SLC24A3: variants seen among roughly 807,000 people sequenced by gnomAD.
SLC24A3 encodes solute carrier family 24 member 3.
In SLC24A3, 28 loss-of-function variants were observed where a neutral mutation model predicts 75.8. That is an observed-to-expected ratio of 0.37 (90% CI 0.27 to 0.51). The LOEUF (loss-of-function observed/expected upper bound fraction) is 0.51. SLC24A3 is among the 20% of genes least tolerant of loss of function. The pLI is 0.94. For missense variants in SLC24A3, 663 were observed against 847.8 expected, an observed-to-expected ratio of 0.78 and a Z score of 2.71; for synonymous variants, 372 against 334.1, an observed-to-expected ratio of 1.11 and a Z score of -1.24.
chr20:19,461,634 G>A (rs547065828), intron 2 of SLC24A3, among the ~76,000 whole-genome samples: 16 of 149,466 alleles, frequency 1.1e-4, no homozygotes, highest in African/African-American at 3.0e-4. Context: ...CTGGGCTCAA[G>A]TGATTCTTCC....
intron 2 of SLC24A3, among the ~76,000 whole-genome samples, chr20:19,419,815 C>G (rs1464556665): frequency 1.4e-5 from 2 of 146,132 alleles, no homozygotes; most frequent in Non-Finnish European, 3.0e-5. Flanking sequence ...ATGTCCTCGA[C>G]AGCCAAGTTT....
chr20:19,346,375 A>G (rs1985428885), intron 2 of SLC24A3, among the ~76,000 whole-genome samples: 2 of 138,454 alleles, frequency 1.4e-5, no homozygotes, highest in East Asian at 2.1e-4. Flanking sequence ...TATGTGGTGT[A>G]TATATATGGT....
intron 1 of SLC24A3, among the ~76,000 whole-genome samples, chr20:19,215,960 C>T (rs535306036): frequency 3.9e-5 from 6 of 152,202 alleles, no homozygotes; most frequent in Admixed American, 6.5e-5. Context: ...ATTCTAACAA[C>T]AAAAGCAATA....
chr20:19,659,458 G>A (rs1316596516), intron 7 of SLC24A3, among the ~76,000 whole-genome samples: 2 of 152,192 alleles, frequency 1.3e-5, no homozygotes, highest in African/African-American at 4.8e-5. Context: ...AGTCACACGT[G>A]GCTACTGACA....
intron 6 of SLC24A3, among the ~76,000 whole-genome samples, chr20:19,598,229 C>T (rs1204070121): frequency 1.3e-5 from 2 of 152,146 alleles, no homozygotes; most frequent in African/African-American, 4.8e-5. Flanking sequence ...CCTGCTGCAG[C>T]TGCTCTTTCC....
At chr20:19,555,081 C>G (rs1260603482) in intron 3 of SLC24A3, among the ~76,000 whole-genome samples, 1 of 152,202 alleles carries the variant, frequency 6.6e-6, no homozygotes, top group African/African-American at 2.4e-5. Flanking sequence ...AAAGCCAACT[C>G]TGAGTTAGCC....
At chr20:19,640,595 C>T (rs111599941) in intron 6 of SLC24A3, among the ~76,000 whole-genome samples, 92 of 152,188 alleles carry the variant, frequency 6.0e-4, no homozygotes, top group African/African-American at 2.1e-3. Flanking sequence ...ACTGAAAATA[C>T]AAAAATTAGC....
At chr20:19,658,964 A>C (rs530519234) in intron 7 of SLC24A3, among the ~76,000 whole-genome samples, 3 of 152,228 alleles carry the variant, frequency 2.0e-5, no homozygotes, top group Admixed American at 2.0e-4. Flanking sequence ...AATTTACATA[A>C]TGAGGTAATT....
chr20:19,506,319 T>A (rs2122547838), intron 2 of SLC24A3, among the ~76,000 whole-genome samples: 2 of 152,356 alleles, frequency 1.3e-5, no homozygotes, highest in South Asian at 4.1e-4. Flanking sequence ...TCCCATGACT[T>A]GTGGTTGCAT....
intron 1 of SLC24A3, among the ~76,000 whole-genome samples, chr20:19,272,358 G>A (rs1394020412): frequency 6.6e-6 from 1 of 152,210 alleles, no homozygotes; most frequent in African/African-American, 2.4e-5. Flanking sequence ...CACTGTGCCG[G>A]GAACTTTGAA....
intron 12 of SLC24A3, among the ~76,000 whole-genome samples, chr20:19,687,636 G>C (rs2032693482): frequency 6.6e-6 from 1 of 152,202 alleles, no homozygotes; most frequent in African/African-American, 2.4e-5. Context: ...TTAGCATCTT[G>C]GGAGCCCAGA....
At chr20:19,363,732 A>G (rs1985835066) in intron 2 of SLC24A3, among the ~76,000 whole-genome samples, 1 of 152,238 alleles carries the variant, frequency 6.6e-6, no homozygotes, top group African/African-American at 2.4e-5. Context: ...TTGGAGCCTT[A>G]ACAATCGCTT....
chr20:19,599,376 TC>T (rs1284518473), intron 6 of SLC24A3, among the ~76,000 whole-genome samples: 3 of 151,308 alleles, frequency 2.0e-5, no homozygotes, highest in African/African-American at 7.3e-5. Context: ...TATGATGTGG[TC>T]CCTCCCGCGC....
chr20:19,375,820 A>G (rs1397018915), intron 2 of SLC24A3, among the ~76,000 whole-genome samples: 4 of 152,214 alleles, frequency 2.6e-5, no homozygotes, highest in Non-Finnish European at 5.9e-5. Flanking sequence ...CTTGAAAATC[A>G]GAGAAGCTGA....
intron 2 of SLC24A3, among the ~76,000 whole-genome samples, chr20:19,500,849 A>T (rs954322155): frequency 6.6e-6 from 1 of 152,224 alleles, no homozygotes; most frequent in Non-Finnish European, 1.5e-5. Context: ...ATCTTTGATC[A>T]GCCTTTGACT....
At chr20:19,360,713 T>C (rs181532199) in intron 2 of SLC24A3, among the ~76,000 whole-genome samples, 37 of 152,382 alleles carry the variant, frequency 2.4e-4, no homozygotes, top group Admixed American at 1.9e-3. Flanking sequence ...ATCTCAGCAA[T>C]GTCTAGACAT....
rs1467606790 is a variant in SLC24A3 at position 19,721,829 on chromosome 20, C to G, written c.*689C>G. 1 of 152,662 alleles carries G rather than the reference C, an allele frequency of 6.6e-6. No individual in the cohort carries two copies. Among genetic ancestry groups the G allele is most frequent in the Non-Finnish European group, 1.5e-5 (1 of 68,130 alleles). 9.5% of individuals were successfully genotyped at this position (152,662 alleles called of 1,614,324 possible). A position where few individuals can be genotyped will look rare whatever the true frequency, so the allele number is the denominator to read the frequency against. ...TAGAGGAGCCACTGGGCAAGGCCAC[C>G]AAGAACAAATGCATGACATTTTATA... On this transcript the variant is annotated 3_prime_UTR_variant, in exon 17 of 17. Transcript: ENST00000328041.
chr20:19,541,076 A>G (rs542469745), intron 3 of SLC24A3, among the ~76,000 whole-genome samples: 5 of 152,302 alleles, frequency 3.3e-5, no homozygotes, highest in African/African-American at 1.2e-4. Context: ...CACACAGCTC[A>G]TGTGTTCTTC....
At chr20:19,398,150 T>A (rs1398943644) in intron 2 of SLC24A3, among the ~76,000 whole-genome samples, 1 of 152,182 alleles carries the variant, frequency 6.6e-6, no homozygotes, top group Non-Finnish European at 1.5e-5. Context: ...TTGTGTGACT[T>A]CCCATTGATA....
Sources: allele counts gnomAD v4.1 joint callset (sites outside exome capture counted in the v4.1 genomes callset), GRCh38; gene constraint gnomAD v4.1.1; transcripts MANE v1.5; gene names NCBI Gene and HGNC (gene_info 2026-07-23, HGNC 2026-07-21).